The following AGBL4 variants were observed in gnomAD, a reference collection of about 807,000 sequenced individuals.
AGBL4 encodes cytosolic carboxypeptidase 6.
In AGBL4, 58 loss-of-function variants were observed where a neutral mutation model predicts 66.4. That is an observed-to-expected ratio of 0.87 (90% CI 0.71 to 1.09). The LOEUF is 1.09. Ranked by LOEUF, AGBL4 falls within the 50% of genes least tolerant of loss-of-function variation. The pLI, the probability that AGBL4 is intolerant of heterozygous loss-of-function variation, is 0.00. For missense variants in AGBL4, 579 were observed against 631.0 expected (o/e 0.92, Z 0.88); for synonymous variants, 234 against 222.9 (o/e 1.05, Z -0.44).
chr1:49,646,517 C>T (rs974909164), intron 3 of AGBL4, among the ~76,000 whole-genome samples: 1 of 151,804 alleles, frequency 6.6e-6, no homozygotes, highest in African/African-American at 2.4e-5. Flanking sequence ...CTGCAAAACA[C>T]CTCTTGGAAA....
chr1:49,212,540 A>C (rs1454348712), intron 4 of AGBL4, among the ~76,000 whole-genome samples: 2 of 152,166 alleles, frequency 1.3e-5, no homozygotes, highest in African/African-American at 4.8e-5. Context: ...CCAAATGTTT[A>C]AACAAGCTGC....
chr1:49,948,370 A>AAAATATAT lies in AGBL4; in HGVS notation c.34+75385_34+75392dup, dbSNP rs1655669412. On this transcript the variant is annotated intron_variant, in intron 1 of 13. Transcript: ENST00000371839. ...AATATATATAAATATATAAATACATAAAATATATAAATATATATAAATATA... is the reference window on the plus strand; with the variant it reads ...AATATATATAAATATATAAATACATAAAATATATAAATATATAAATATATATAAATATA... Among the ~76,000 whole-genome samples, 6 of 109,340 alleles carry AAAATATAT rather than the reference A, an allele frequency of 5.5e-5. No homozygotes were observed. In the South Asian group the frequency reaches 1.6e-3, roughly 28 times the overall value. The allele number at this position is 109,340 out of a possible 152,430, so 71.7% of individuals were successfully genotyped here. A position where few individuals can be genotyped will look rare whatever the true frequency, so the allele number is the denominator to read the frequency against.
At chr1:49,355,903 G>A (rs960587490) in intron 3 of AGBL4, among the ~76,000 whole-genome samples, 4 of 152,124 alleles carry the variant, frequency 2.6e-5, no homozygotes, top group African/African-American at 4.8e-5. Context: ...TGATGAATTC[G>A]CCTTCCCAGT....
intron 3 of AGBL4, among the ~76,000 whole-genome samples, chr1:49,611,176 T>C (rs1261929610): frequency 3.9e-5 from 6 of 152,130 alleles, no homozygotes; most frequent in African/African-American, 1.4e-4. Flanking sequence ...CCCACCCTGT[T>C]ATCTCCTCCT....
At chr1:49,156,814 C>T (rs2148130815) in intron 4 of AGBL4, among the ~76,000 whole-genome samples, 1 of 152,214 alleles carries the variant, frequency 6.6e-6, no homozygotes, top group South Asian at 2.1e-4. Flanking sequence ...TGAGTGGAGA[C>T]TCACAAGAGT....
At chr1:49,995,625 G>C in intron 1 of AGBL4, 1 of 228,118 alleles carries the variant, frequency 4.4e-6, no homozygotes, top group East Asian at 1.1e-4. Flanking sequence ...ACCACAGCCT[G>C]AGACACCCAA....
Position 49,156,420 on chromosome 1 carries a change from A to G in AGBL4, c.377+89350T>C, listed in dbSNP as rs144032857. ...TGGCTTAAGACAGCAAACATTTATT[A>G]TCTCTCACAGTGTCTGAGAATGAGG... On this transcript the variant is annotated intron_variant, in intron 4 of 13. Coordinates refer to ENST00000371839, the MANE Select transcript of AGBL4 (RefSeq NM_032785.4). Among the ~76,000 whole-genome samples, 141 of 152,310 alleles carry G rather than the reference A, an allele frequency of 9.3e-4. 3 individuals are homozygous for G. In the East Asian group the frequency reaches 0.022, roughly 23 times the overall value.
chr1:48,650,897 C>G (rs1645919123), intron 8 of AGBL4, among the ~76,000 whole-genome samples: 1 of 152,164 alleles, frequency 6.6e-6, no homozygotes, highest in Non-Finnish European at 1.5e-5. Flanking sequence ...TTGCTTAACT[C>G]TGTGTTTCCT....
intron 3 of AGBL4, among the ~76,000 whole-genome samples, chr1:49,570,763 T>C (rs980697515): frequency 2.0e-5 from 3 of 152,120 alleles, no homozygotes; most frequent in African/African-American, 7.2e-5. Flanking sequence ...TATTTTTATA[T>C]ATGATGAGAG....
intron 1 of AGBL4, among the ~76,000 whole-genome samples, chr1:49,930,995 G>A (rs1030170132): frequency 3.9e-5 from 6 of 152,110 alleles, no homozygotes; most frequent in Non-Finnish European, 8.8e-5. Context: ...GATTGCCTAT[G>A]TAGAAAATCC....
chr1:48,753,672 A>G (rs1475222137), intron 6 of AGBL4, among the ~76,000 whole-genome samples: 2 of 152,232 alleles, frequency 1.3e-5, no homozygotes, highest in Non-Finnish European at 2.9e-5. Flanking sequence ...TCTAGCCAAC[A>G]GGACATTTTC....
At chr1:49,861,713 G>C (rs1646577851) in intron 1 of AGBL4, among the ~76,000 whole-genome samples, 1 of 152,138 alleles carries the variant, frequency 6.6e-6, no homozygotes. Flanking sequence ...ATATTTATTA[G>C]AAAGTAGGGG....
At chr1:48,575,662 C>T (rs1166095698) in intron 11 of AGBL4, among the ~76,000 whole-genome samples, 1 of 152,218 alleles carries the variant, frequency 6.6e-6, no homozygotes, top group Non-Finnish European at 1.5e-5. Context: ...GAGCACTTTG[C>T]TCCCTTCTCA....
chr1:49,678,005 G>T (rs1558155334), intron 3 of AGBL4, among the ~76,000 whole-genome samples: 1 of 152,132 alleles, frequency 6.6e-6, no homozygotes, highest in Non-Finnish European at 1.5e-5. Flanking sequence ...AAGCTGACTT[G>T]GATAAACAGT....
chr1:49,160,254 G>A (rs751975788), intron 4 of AGBL4, among the ~76,000 whole-genome samples: 2 of 152,142 alleles, frequency 1.3e-5, no homozygotes, highest in Admixed American at 6.5e-5. Context: ...TCGATTGGAC[G>A]TCCTTTTTGT....
chr1:48,671,467 A>G lies in AGBL4; in HGVS notation c.635-8226T>C, dbSNP rs182705390. On this transcript the variant is annotated intron_variant, in intron 6 of 13. Coordinates refer to ENST00000371839, the MANE Select transcript of AGBL4 (RefSeq NM_032785.4). ...TGTGGTTATAAATTTGAATTCTAGAATCAGACAGAAGAAGCATTAAATCCA... is the reference window on the plus strand; with the variant it reads ...TGTGGTTATAAATTTGAATTCTAGAGTCAGACAGAAGAAGCATTAAATCCA... Among the ~76,000 whole-genome samples, 305 of 152,334 alleles carry G rather than the reference A, an allele frequency of 2.0e-3. 2 individuals carry two copies. The highest frequency in any genetic ancestry group is 6.5e-3 in the African/African-American group (271 of 41,568).
chr1:48,625,913 C>T (rs1186403076), intron 9 of AGBL4, among the ~76,000 whole-genome samples: 1 of 152,064 alleles, frequency 6.6e-6, no homozygotes, highest in Non-Finnish European at 1.5e-5. Context: ...GGAGAAATTG[C>T]CCTTCAGAAA....
chr1:49,043,658 C>T (rs1644004282), intron 5 of AGBL4, among the ~76,000 whole-genome samples: 1 of 152,082 alleles, frequency 6.6e-6, no homozygotes, highest in Non-Finnish European at 1.5e-5. Context: ...ACCATGTATA[C>T]CAATTATCAA....
chr1:49,048,198 C>G (rs1159683807), intron 4 of AGBL4: 3 of 152,120 alleles, frequency 2.0e-5, no homozygotes, highest in African/African-American at 4.8e-5. Flanking sequence ...GTGGTTCCTA[C>G]AGTCATAAGG....
Sources: gnomAD v4.1 joint callset for allele counts (sites outside exome capture counted in the v4.1 genomes callset) on GRCh38, gnomAD v4.1.1 for gene constraint, MANE v1.5 for transcripts, NCBI Gene and HGNC (gene_info 2026-07-23, HGNC 2026-07-21) for gene names.